ZC4H2: variants seen among roughly 807,000 people sequenced by gnomAD.
The protein encoded by ZC4H2 is zinc finger C4H2 domain-containing protein.
For missense variants in ZC4H2, 137 were observed against 173.9 expected (o/e 0.79, Z 1.19); for synonymous variants, 84 against 66.3 (o/e 1.27, Z -1.30).
chrX:64,981,601 G>T (rs1244329543), intron 1 of ZC4H2, among the ~76,000 whole-genome samples: 1 of 111,059 alleles, frequency 9.0e-6, no homozygotes, highest in African/African-American at 3.3e-5. Context: ...AAACAGGAAA[G>T]ACTGGAAGAG....
At chrX:65,001,682 G>A (rs984614642) in intron 1 of ZC4H2, among the ~76,000 whole-genome samples, 2 of 111,532 alleles carry the variant, frequency 1.8e-5, no homozygotes, top group African/African-American at 3.3e-5. Flanking sequence ...ATTGATGTGC[G>A]ATATTCAGGA....
chrX:64,923,265 C>T (rs1358172900), intron 1 of ZC4H2, among the ~76,000 whole-genome samples: 1 of 111,773 alleles, frequency 8.9e-6, no homozygotes, highest in Non-Finnish European at 1.9e-5. Context: ...AACACAGTTT[C>T]AAGGGCCTTT....
chrX:64,978,396 G>T (rs981264839), upstream of ZC4H2, among the ~76,000 whole-genome samples: 7 of 111,959 alleles, frequency 6.3e-5, no homozygotes, highest in African/African-American at 2.3e-4. Context: ...GCCACTAGTT[G>T]GTATTTAAAG....
intron 1 of ZC4H2, among the ~76,000 whole-genome samples, chrX:64,951,456 G>A (rs769054650): frequency 1.9e-4 from 21 of 111,668 alleles, no homozygotes; most frequent in Admixed American, 1.4e-3. Flanking sequence ...ATCCTCTCCA[G>A]CACCTGTTGT....
At chrX:64,936,219 GA>G (rs1392084125) in intron 1 of ZC4H2, among the ~76,000 whole-genome samples, 2 of 110,002 alleles carry the variant, frequency 1.8e-5, no homozygotes, top group African/African-American at 6.6e-5. Context: ...GACAAGATTA[GA>G]GAAAAAAGAA....
intron 1 of ZC4H2, among the ~76,000 whole-genome samples, chrX:64,982,556 G>C (rs1021015774): frequency 8.9e-6 from 1 of 112,230 alleles, no homozygotes; most frequent in African/African-American, 3.2e-5. Flanking sequence ...AATAGAAACA[G>C]GAGAGAAGCA....
At chrX:64,934,855 C>T (rs757174138) in intron 1 of ZC4H2, among the ~76,000 whole-genome samples, 5 of 112,001 alleles carry the variant, frequency 4.5e-5, no homozygotes, top group South Asian at 7.5e-4. Flanking sequence ...AGATCCCCTT[C>T]GGTGCCTACA....
intron 1 of ZC4H2, among the ~76,000 whole-genome samples, 167 bp downstream of exon 1, chrX:64,976,158 C>T (rs1034742105): frequency 9.0e-6 from 1 of 110,934 alleles, no homozygotes; most frequent in Non-Finnish European, 1.9e-5. Flanking sequence ...GTCTCTCTCT[C>T]TCTCAACTCT....
chrX:64,925,680 T>C (rs1043932827), intron 1 of ZC4H2, among the ~76,000 whole-genome samples: 7 of 112,132 alleles, frequency 6.2e-5, no homozygotes, highest in Non-Finnish European at 1.3e-4. Context: ...ACCCATGTTA[T>C]TGGGCAAGAG....
At chrX:64,920,001 C>T in intron 3 of ZC4H2, 80 bp downstream of exon 3, 1 of 1,054,245 alleles carries the variant, frequency 9.5e-7, no homozygotes, top group Non-Finnish European at 1.3e-6. Context: ...TGTATACCTG[C>T]CCGTGTGTGT....
chrX:65,007,877 A>G (rs1932693109), intron 1 of ZC4H2, among the ~76,000 whole-genome samples: 1 of 112,014 alleles, frequency 8.9e-6, no homozygotes, highest in Non-Finnish European at 1.9e-5. Context: ...AACACTGGAT[A>G]AACACTCCAG....
chrX:65,009,515 G>A (rs185781059), intron 1 of ZC4H2, among the ~76,000 whole-genome samples: 1 of 112,094 alleles, frequency 8.9e-6, no homozygotes, highest in East Asian at 2.8e-4. Context: ...TCTTTTCAAG[G>A]ATATTTGTAT....
intron 2 of ZC4H2, 106 bp from the exon 3 acceptor site, chrX:64,920,359 T>G: frequency 1.1e-6 from 1 of 876,692 alleles, no homozygotes. Flanking sequence ...GTTCAGTCTA[T>G]ATTCAAGTCC....
intron 4 of ZC4H2, 67 bp downstream of exon 4, chrX:64,918,975 A>G: frequency 9.0e-7 from 1 of 1,113,238 alleles, no homozygotes. Context: ...ACCCAGAACT[A>G]GCCTTCCACG....
At chrX:64,934,260 T>A (rs1301536073) in intron 1 of ZC4H2, among the ~76,000 whole-genome samples, 1 of 112,484 alleles carries the variant, frequency 8.9e-6, no homozygotes, top group Non-Finnish European at 1.9e-5. Flanking sequence ...TTCTCCAAAA[T>A]TTTTAACATT....
chrX:64,953,405 T>G (rs1930969183), intron 1 of ZC4H2, among the ~76,000 whole-genome samples: 4 of 111,581 alleles, frequency 3.6e-5, no homozygotes. Flanking sequence ...TGGGAGAAAA[T>G]TTTTGCAATG....
intron 1 of ZC4H2, among the ~76,000 whole-genome samples, chrX:64,935,229 G>C (rs903014942): frequency 5.4e-5 from 6 of 111,837 alleles, no homozygotes; most frequent in African/African-American, 2.0e-4. Context: ...AAAATGGGTA[G>C]AGCCCATGGC....
intron 1 of ZC4H2, among the ~76,000 whole-genome samples, chrX:64,992,140 T>C (rs953805376): frequency 8.9e-6 from 1 of 111,982 alleles, no homozygotes; most frequent in Admixed American, 9.5e-5. Context: ...AACATAACTG[T>C]ATATTTTTAT....
At position 64,921,874 on chromosome X, in the gene ZC4H2, T is replaced by C; in HGVS notation, c.168A>G (p.Leu56=). ...KEYKQEMDLL[L]QEKMAHVEEL... ...CCTCCACATGGGCCATCTTCTCCTGTAGCAGAAGGTCCATCTCCTGCTTGT... is the reference window on the plus strand; with the variant it reads ...CCTCCACATGGGCCATCTTCTCCTGCAGCAGAAGGTCCATCTCCTGCTTGT... Residue 56 remains leucine (L), a synonymous_variant, in exon 2 of 5, where the codon CTA becomes CTG. Transcript: ENST00000374839. The C allele has an allele frequency of 1.7e-6, 2 of 1,210,632 alleles. No individual in the cohort carries two copies. The highest frequency in any genetic ancestry group is 1.1e-6 in the Non-Finnish European group (1 of 895,281).
Sources: gnomAD v4.1 joint callset for allele counts (sites outside exome capture counted in the v4.1 genomes callset) on GRCh38, gnomAD v4.1.1 for gene constraint, MANE v1.5 for transcripts, NCBI Gene and HGNC (gene_info 2026-07-23, HGNC 2026-07-21) for gene names.